Variants in DPY19L3 observed in about 807,000 individuals in gnomAD.
DPY19L3 encodes protein C-mannosyl-transferase DPY19L3.
Under a neutral mutation model 92.3 loss-of-function variants are expected in DPY19L3, and 51 were observed. The observed-to-expected ratio is 0.55, with a 90% CI of 0.44 to 0.70. The LOEUF (loss-of-function observed/expected upper bound fraction) is 0.70. Ranked by LOEUF, DPY19L3 falls within the 30% of genes least tolerant of loss-of-function variation. The pLI is 0.00. For synonymous variants in DPY19L3, 309 were observed against 315.2 expected (o/e 0.98, Z 0.21); for missense variants, 706 against 855.9 (o/e 0.82, Z 2.18).
intron 8 of DPY19L3, among the ~76,000 whole-genome samples, chr19:32,447,814 GATT>G (rs1410546744): frequency 1.4e-4 from 15 of 108,046 alleles, no homozygotes; most frequent in Admixed American, 1.3e-3. Context: ...TAGATAGATA[GATT>G]AGATAGATAG....
Position 32,480,512 on chromosome 19 carries a change from C to CG in DPY19L3, c.1944_1945insG (p.Arg649AlafsTer24). 3 of 1,614,150 alleles carry CG rather than the reference C, an allele frequency of 1.9e-6. No individual in the cohort carries two copies. In the African/African-American group the frequency reaches 4.0e-5, roughly 22 times the overall value. The stretch of plus-strand genomic sequence containing the variant: ...GCATCTGCTACGAGCGGAGGCACCG[C>CG]CGGGGCTGCCGACTCCGGGACCTGC... On this transcript the variant is annotated frameshift_variant, in exon 18 of 19. Coordinates refer to ENST00000392250, the MANE Select transcript of DPY19L3 (RefSeq NM_001172774.2). LOFTEE classifies it high-confidence loss of function.
chr19:32,461,782 T>G (rs1970047939), intron 12 of DPY19L3, among the ~76,000 whole-genome samples: 1 of 152,236 alleles, frequency 6.6e-6, no homozygotes, highest in East Asian at 1.9e-4. Flanking sequence ...AAGTTTCATC[T>G]TTAACTAGTA....
chr19:32,445,440 C>CAAAAAAAAAAAAAAAAAAAAAAAAAA (rs71336904), intron 8 of DPY19L3, among the ~76,000 whole-genome samples: 1 of 42,828 alleles, frequency 2.3e-5, no homozygotes, highest in Non-Finnish European at 3.7e-5. Context: ...GACTTCATCT[C>CAAAAAAAAAAAAAAAAAAAAAAAAAA]AAAAAAAAAA....
intron 15 of DPY19L3, among the ~76,000 whole-genome samples, chr19:32,466,690 G>C (rs1229916461): frequency 6.6e-6 from 1 of 152,236 alleles, no homozygotes; most frequent in East Asian, 1.9e-4. Context: ...CCTGTTGCAG[G>C]TTTTCCCTGA....
At chr19:32,445,629 A>T (rs1969473461) in intron 8 of DPY19L3, among the ~76,000 whole-genome samples, 1 of 152,186 alleles carries the variant, frequency 6.6e-6, no homozygotes, top group African/African-American at 2.4e-5. Context: ...TAAGAGCATC[A>T]GAAAGGAAGA....
At chr19:32,413,291 T>C (rs896472935) in intron 3 of DPY19L3, 3 of 152,216 alleles carry the variant, frequency 2.0e-5, no homozygotes, top group South Asian at 2.1e-4. Flanking sequence ...ATTCTCTTAC[T>C]GAAATGAGCC....
At chr19:32,478,539 T>G (rs546393121) in intron 17 of DPY19L3, among the ~76,000 whole-genome samples, 27 of 152,252 alleles carry the variant, frequency 1.8e-4, no homozygotes, top group Non-Finnish European at 3.7e-4. Context: ...AGTTCTTAGT[T>G]CCCCTCCTAG....
At chr19:32,406,559 C>T (rs1256393271) in intron 1 of DPY19L3, among the ~76,000 whole-genome samples, 1 of 152,008 alleles carries the variant, frequency 6.6e-6, no homozygotes, top group Non-Finnish European at 1.5e-5. Flanking sequence ...GCTCTGTTCC[C>T]CAGGCTGGTC....
At chr19:32,469,123 A>G in intron 16 of DPY19L3, 1 of 179,720 alleles carries the variant, frequency 5.6e-6, no homozygotes, top group Non-Finnish European at 1.2e-5. Flanking sequence ...GAAACTTAAA[A>G]TTTGATGTCT....
At chr19:32,421,627 C>T (rs1019117384) in intron 3 of DPY19L3, among the ~76,000 whole-genome samples, 126 of 58,812 alleles carry the variant, frequency 2.1e-3, no homozygotes, top group African/African-American at 7.3e-3. Context: ...GACTTCATCT[C>T]AAAAAAAAAA....
intron 12 of DPY19L3, among the ~76,000 whole-genome samples, chr19:32,459,843 T>TA (rs1201177814): frequency 2.0e-4 from 31 of 152,182 alleles, no homozygotes; most frequent in Non-Finnish European, 7.3e-5. Flanking sequence ...TGAAAGTAAT[T>TA]AAAGAATCAT....
intron 4 of DPY19L3, among the ~76,000 whole-genome samples, chr19:32,434,859 G>A (rs1295583387): frequency 4.6e-5 from 7 of 151,924 alleles, no homozygotes; most frequent in East Asian, 1.9e-4. Flanking sequence ...AGAGAAGAGC[G>A]AGTTCTCTGG....
rs1008213964 is a variant in DPY19L3 at position 32,405,790 on chromosome 19, C to G, written c.-157C>G. 2.0e-5 allele frequency: 3 copies of G among 152,144 alleles called. No individual in the cohort carries two copies. The highest frequency in any genetic ancestry group is 7.2e-5 in the African/African-American group (3 of 41,448). The allele number at this position is 152,144 out of a possible 1,614,324, so 9.4% of individuals were successfully genotyped here. A position where few individuals can be genotyped will look rare whatever the true frequency, so the allele number is the denominator to read the frequency against. On this transcript the variant is annotated 5_prime_UTR_variant, in exon 1 of 19. Coordinates refer to ENST00000392250, the MANE Select transcript of DPY19L3 (RefSeq NM_001172774.2). ...CCCTCATTTCCACAAAGCTCCGCGGCGGTTCTGCCCTCCTTGTACCCGCGG... is the reference window on the plus strand; with the variant it reads ...CCCTCATTTCCACAAAGCTCCGCGGGGGTTCTGCCCTCCTTGTACCCGCGG...
At chr19:32,434,793 G>T (rs950014445) in intron 4 of DPY19L3, among the ~76,000 whole-genome samples, 62 of 152,316 alleles carry the variant, frequency 4.1e-4, no homozygotes, top group African/African-American at 1.4e-3. Flanking sequence ...TCTAGGGAGG[G>T]CTCTCTTCCT....
At chr19:32,422,869 A>G (rs958577116) in intron 3 of DPY19L3, among the ~76,000 whole-genome samples, 8 of 152,196 alleles carry the variant, frequency 5.3e-5, no homozygotes, top group Non-Finnish European at 1.5e-5. Context: ...GAGAAACAAA[A>G]GTCAACCTAG....
chr19:32,422,689 T>A (rs931337505), intron 3 of DPY19L3, among the ~76,000 whole-genome samples: 4 of 150,566 alleles, frequency 2.7e-5, no homozygotes, highest in Admixed American at 6.6e-5. Context: ...AAGGAAACTT[T>A]CCAAAAGTAA....
At chr19:32,451,685 G>C (rs1333537160) in intron 8 of DPY19L3, among the ~76,000 whole-genome samples, 1 of 152,172 alleles carries the variant, frequency 6.6e-6, no homozygotes, top group Non-Finnish European at 1.5e-5. Context: ...CTCTTTATTA[G>C]GGACTGCCTT....
chr19:32,444,920 A>AAAT lies in DPY19L3; in HGVS notation c.855+5025_855+5027dup, dbSNP rs375883168. Among the ~76,000 whole-genome samples the AAAT allele has an allele frequency of 5.4e-3, 821 of 151,344 alleles. 1 individual carries two copies. The highest frequency in any genetic ancestry group is 9.1e-3 in the Non-Finnish European group (620 of 67,802). On this transcript the variant is annotated intron_variant, in intron 8 of 18. Coordinates refer to ENST00000392250, the MANE Select transcript of DPY19L3 (RefSeq NM_001172774.2). ...CAACATGATGCAACCCCATCTCTAT[A>AAAT]AATAATAATAATAATAAAATGATTA...
chr19:32,470,691 C>T (rs926113852), intron 16 of DPY19L3, among the ~76,000 whole-genome samples: 1 of 150,616 alleles, frequency 6.6e-6, no homozygotes, highest in Non-Finnish European at 1.5e-5. Context: ...CTATTTCCCT[C>T]GTTTGGGAGG....
Sources: allele counts gnomAD v4.1 joint callset (sites outside exome capture counted in the v4.1 genomes callset), GRCh38; gene constraint gnomAD v4.1.1; transcripts MANE v1.5; gene names NCBI Gene and HGNC (gene_info 2026-07-23, HGNC 2026-07-21).